The following NCOA1 variants were observed in gnomAD, a reference collection of about 807,000 sequenced individuals.
The protein encoded by NCOA1 is nuclear receptor coactivator 1, also known as Hin-2 protein.
Under a neutral mutation model 150.9 loss-of-function variants are expected in NCOA1, and 35 were observed. That is an observed-to-expected ratio of 0.23 (90% CI 0.18 to 0.31). The LOEUF is 0.31. NCOA1 is among the 10% of genes least tolerant of loss of function. The probability of loss-of-function intolerance (pLI) is 1.00; values close to 1 mark genes in which losing one functional copy is unlikely to be tolerated. For synonymous variants in NCOA1, 590 were observed against 630.0 expected (o/e 0.94, Z 0.95); for missense variants, 1,491 against 1,749.3 (o/e 0.85, Z 2.63).
At chr2:24,517,780 T>C (rs1184793273) in intron 1 of NCOA1, among the ~76,000 whole-genome samples, 2 of 152,186 alleles carry the variant, frequency 1.3e-5, no homozygotes, top group East Asian at 3.8e-4. Flanking sequence ...ATGGTAGAGA[T>C]AGTATGGTTG....
At position 24,758,061 on chromosome 2, in the gene NCOA1, G is replaced by A. The variant is rs1664589972; in HGVS notation, c.3970G>A (p.Gly1324Arg). The A allele has an allele frequency of 6.8e-6, 11 of 1,614,106 alleles. No homozygotes were observed. The East Asian group carries it at 2.5e-4, about 36-fold the overall frequency. Reference sequence around the variant, plus strand: ...GAGCATCACCGTTTCCATGGCAGGTGGAAATACGAATGTTCAGAACATGAA... The same window carrying A: ...GAGCATCACCGTTTCCATGGCAGGTAGAAATACGAATGTTCAGAACATGAA... ...NMSITVSMAGGNTNVQNMNPM... is the reference protein window; with the variant it reads ...NMSITVSMAGRNTNVQNMNPM... The change falls in exon 21 of 23, where the codon GGA becomes AGA. Residue 1324 changes from glycine to arginine, a missense_variant. Physicochemically the swap from Gly to Arg is moderately radical, Grantham distance 125. Coordinates refer to ENST00000348332, the MANE Select transcript of NCOA1 (RefSeq NM_003743.5).
At chr2:24,678,998 G>T (rs1672042876) in intron 7 of NCOA1, among the ~76,000 whole-genome samples, 1 of 152,146 alleles carries the variant, frequency 6.6e-6, no homozygotes, top group South Asian at 2.1e-4. Flanking sequence ...TTCTTCTAGG[G>T]TTTTTATAGT....
At chr2:24,606,926 A>G (rs1279393577) in intron 3 of NCOA1, among the ~76,000 whole-genome samples, 2 of 152,210 alleles carry the variant, frequency 1.3e-5, no homozygotes, top group African/African-American at 4.8e-5. Flanking sequence ...AGCAATGCAT[A>G]ACTTCTCAAA....
In NCOA1 at chr2:24,706,825, A is replaced by G. The variant is rs1057022633; in HGVS notation, c.1355A>G (p.Asn452Ser). The change falls in exon 13 of 23, where the codon AAT (asparagine) becomes AGT (serine). Residue 452 changes from asparagine (N) to serine (S), a missense_variant. By Grantham distance (46) the Asn-to-Ser change is conservative. This residue lies in a region of NCOA1 where 703 missense variants were observed against 717.7 expected (regional missense o/e 0.98). Coordinates refer to ENST00000348332, the MANE Select transcript of NCOA1 (RefSeq NM_003743.5). ...GCSPGSQIVA[N>S]VALNQGQASS... ...TCACCCGGAAGTCAGATTGTAGCCA[A>G]TGTTGCCTTAAACCAAGGACAGGCC... 15 of 1,614,064 alleles carry G rather than the reference A, an allele frequency of 9.3e-6. No homozygotes were observed. Among genetic ancestry groups the G allele is most frequent in the East Asian group, 2.2e-5 (1 of 44,896 alleles).
intron 1 of NCOA1, among the ~76,000 whole-genome samples, chr2:24,559,422 C>A (rs1000552002): frequency 2.6e-5 from 4 of 152,222 alleles, no homozygotes; most frequent in Admixed American, 6.5e-5. Context: ...CATCTTCCAA[C>A]AGTCTTTGCA....
intron 9 of NCOA1, among the ~76,000 whole-genome samples, chr2:24,692,887 G>A (rs1163183843): frequency 6.6e-6 from 1 of 152,218 alleles, no homozygotes; most frequent in Non-Finnish European, 1.5e-5. Context: ...TTGAGACGGA[G>A]TCTCGCTCTG....
intron 3 of NCOA1, among the ~76,000 whole-genome samples, chr2:24,590,277 T>C (rs917616807): frequency 1.1e-4 from 17 of 152,200 alleles, no homozygotes; most frequent in Non-Finnish European, 2.2e-4. Flanking sequence ...TCAGTATCTT[T>C]TCATAATCAT....
At chr2:24,514,506 A>T (rs1664080531) in intron 1 of NCOA1, among the ~76,000 whole-genome samples, 1 of 151,960 alleles carries the variant, frequency 6.6e-6, no homozygotes, top group African/African-American at 2.4e-5. Context: ...AATCTGTAAT[A>T]AAATGTGAAT....
chr2:24,759,898 T>C (rs1244243849), intron 21 of NCOA1, among the ~76,000 whole-genome samples: 2 of 151,928 alleles, frequency 1.3e-5, no homozygotes, highest in Non-Finnish European at 2.9e-5. Flanking sequence ...ATATGTTCTG[T>C]TCCCTGCAAT....
At chr2:24,608,559 G>A (rs1198442252) in intron 3 of NCOA1, among the ~76,000 whole-genome samples, 1 of 151,694 alleles carries the variant, frequency 6.6e-6, no homozygotes, top group African/African-American at 2.4e-5. Flanking sequence ...GAGCCACCAT[G>A]CCTGGCCAGT....
chr2:24,679,721 T>C (rs1276621500), intron 7 of NCOA1, among the ~76,000 whole-genome samples: 1 of 152,220 alleles, frequency 6.6e-6, no homozygotes, highest in Non-Finnish European at 1.5e-5. Flanking sequence ...AATTTAGATA[T>C]GAGTGTACTT....
chr2:24,757,797 C>T (rs1170326891), intron 20 of NCOA1, among the ~76,000 whole-genome samples, 176 bp from the exon 21 acceptor site: 5 of 151,944 alleles, frequency 3.3e-5, no homozygotes, highest in African/African-American at 9.7e-5. Context: ...GTTATTTAAT[C>T]CCTTATGTAG....
intron 1 of NCOA1, among the ~76,000 whole-genome samples, chr2:24,504,748 A>G (rs1486232949): frequency 1.3e-5 from 2 of 152,270 alleles, no homozygotes; most frequent in African/African-American, 4.8e-5. Flanking sequence ...CAGAAAGTGA[A>G]TATTTGGCTT....
intron 3 of NCOA1, among the ~76,000 whole-genome samples, chr2:24,629,813 C>CATACAT (rs1314931113): frequency 5.2e-5 from 4 of 77,348 alleles, no homozygotes; most frequent in African/African-American, 2.0e-4. Context: ...AAGTAACATA[C>CATACAT]ATACATATAT....
intron 1 of NCOA1, among the ~76,000 whole-genome samples, chr2:24,526,496 C>T (rs1664657249): frequency 6.6e-6 from 1 of 150,530 alleles, no homozygotes. Flanking sequence ...TGTCTTTGGA[C>T]TATTGTCTCG....
intron 21 of NCOA1, among the ~76,000 whole-genome samples, chr2:24,760,178 AG>A (rs1664711624): frequency 8.6e-6 from 1 of 116,876 alleles, no homozygotes; most frequent in African/African-American, 3.4e-5. Context: ...CTCGCCCTTT[AG>A]CCCAGGCTGG....
intron 11 of NCOA1, among the ~76,000 whole-genome samples, chr2:24,704,382 A>G (rs772916861): frequency 5.3e-5 from 8 of 152,164 alleles, no homozygotes; most frequent in Admixed American, 6.5e-5. Flanking sequence ...AGAGAAAACA[A>G]ACTTGTTAAA....
chr2:24,542,577 T>C (rs1275692836), intron 1 of NCOA1, among the ~76,000 whole-genome samples: 3 of 152,252 alleles, frequency 2.0e-5, no homozygotes, highest in Non-Finnish European at 4.4e-5. Flanking sequence ...TTGATTGTAC[T>C]GAGGACTAGT....
At chr2:24,705,316 C>G (rs1673365072) in intron 12 of NCOA1, 83 bp downstream of exon 12, 2 of 1,392,832 alleles carry the variant, frequency 1.4e-6, no homozygotes, top group African/African-American at 1.4e-5. Context: ...CTCTTGATGG[C>G]TAGAAAGCAG....
Sources: gnomAD v4.1 joint callset for allele counts (sites outside exome capture counted in the v4.1 genomes callset) on GRCh38, gnomAD v4.1.1 for gene constraint, gnomAD v4.1.1 regional missense constraint, MANE v1.5 for transcripts, NCBI Gene and HGNC (gene_info 2026-07-23, HGNC 2026-07-21) for gene names.